TFDP2: variants seen among roughly 807,000 people sequenced by gnomAD.
TFDP2 encodes transcription factor Dp-2, also known as transcription factor Dp-2 (E2F dimerization partner 2).
Under a neutral mutation model 59.3 loss-of-function variants are expected in TFDP2, and 17 were observed. The ratio of observed to expected loss-of-function variants is 0.29; its 90% confidence interval spans 0.20 to 0.43. The LOEUF is 0.43. Among genes scored for constraint, TFDP2 ranks in the 20% least tolerant of loss-of-function variants. TFDP2 has a pLI of 1.00. For missense variants in TFDP2, 391 were observed against 528.8 expected (o/e 0.74, Z 2.56); for synonymous variants, 180 against 194.7 (o/e 0.92, Z 0.63).
chr3:142,081,346 G>A (rs945120156), intron 3 of TFDP2, among the ~76,000 whole-genome samples: 2 of 151,968 alleles, frequency 1.3e-5, no homozygotes, highest in East Asian at 1.9e-4. Flanking sequence ...GCACTAAGAG[G>A]GAAGTTGATG....
At chr3:142,079,149 A>G (rs1200714069) in intron 3 of TFDP2, among the ~76,000 whole-genome samples, 4 of 152,010 alleles carry the variant, frequency 2.6e-5, no homozygotes, top group Non-Finnish European at 4.4e-5. Context: ...CTAAAAATAC[A>G]AAAATTAGCT....
intron 4 of TFDP2, among the ~76,000 whole-genome samples, chr3:141,997,555 G>GA (rs149131829): frequency 1.5e-3 from 228 of 147,336 alleles, no homozygotes; most frequent in Middle Eastern, 3.4e-3. Context: ...GGACTTTGTA[G>GA]AAAAAAAAAA....
intron 3 of TFDP2, among the ~76,000 whole-genome samples, chr3:142,084,250 G>C (rs1011291016): frequency 1.3e-5 from 2 of 152,170 alleles, no homozygotes. Flanking sequence ...GATTATCAGA[G>C]AAATGCAAAT....
chr3:142,096,087 G>C (rs1464467745), intron 2 of TFDP2, among the ~76,000 whole-genome samples: 2 of 152,122 alleles, frequency 1.3e-5, no homozygotes, highest in Non-Finnish European at 2.9e-5. Flanking sequence ...AACGAATGTG[G>C]AAACTTTTTA....
intron 1 of TFDP2, among the ~76,000 whole-genome samples, chr3:142,137,018 G>T (rs562958659): frequency 3.3e-5 from 5 of 152,220 alleles, no homozygotes; most frequent in African/African-American, 7.2e-5. Flanking sequence ...TCCTATCCAT[G>T]AGCATAGAAT....
Position 142,121,502 on chromosome 3 carries a change from G to A in TFDP2, c.-92-19661C>T, listed in dbSNP as rs2062044763. On this transcript the variant is annotated intron_variant, in intron 1 of 12. Transcript: ENST00000489671. The surrounding 1 kb of genome is among the most constrained non-coding windows in gnomAD (Gnocchi z 4.3). The stretch of plus-strand genomic sequence containing the variant: ...TTAAAATTACAGAATTAAGAACTAT[G>A]AGATGAAAATGCCATCAAACTAGAA... Among the ~76,000 whole-genome samples the A allele has an allele frequency of 6.6e-6, 1 of 152,180 alleles. No homozygotes were observed. Among genetic ancestry groups the A allele is most frequent in the African/African-American group, 2.4e-5 (1 of 41,444 alleles).
At chr3:142,048,443 GA>G (rs1298433557) in intron 3 of TFDP2, among the ~76,000 whole-genome samples, 2 of 151,498 alleles carry the variant, frequency 1.3e-5, no homozygotes, top group East Asian at 1.9e-4. Flanking sequence ...CAAAAGAAGA[GA>G]AAAAAGATTA....
At chr3:142,100,334 G>A (rs888609737) in intron 2 of TFDP2, among the ~76,000 whole-genome samples, 6 of 152,134 alleles carry the variant, frequency 3.9e-5, no homozygotes, top group Non-Finnish European at 2.9e-5. Flanking sequence ...TAAGGAGTCT[G>A]AAACTAGAAA....
intron 1 of TFDP2, among the ~76,000 whole-genome samples, chr3:142,118,214 A>C (rs1050444887): frequency 6.6e-6 from 1 of 152,182 alleles, no homozygotes; most frequent in Non-Finnish European, 1.5e-5. Context: ...ATCACTACAA[A>C]TTCAGAAAAG....
At chr3:142,055,465 A>G (rs2059707733) in intron 3 of TFDP2, among the ~76,000 whole-genome samples, 1 of 152,216 alleles carries the variant, frequency 6.6e-6, no homozygotes. Context: ...TTTATCATTT[A>G]ATCCTCACAA....
intron 3 of TFDP2, among the ~76,000 whole-genome samples, chr3:142,043,429 T>A (rs1947126983): frequency 6.6e-6 from 1 of 151,414 alleles, no homozygotes. Context: ...AGTGGTGCGA[T>A]CTTGGCTCAC....
chr3:142,137,651 C>T (rs2062783816), intron 1 of TFDP2, among the ~76,000 whole-genome samples: 2 of 152,030 alleles, frequency 1.3e-5, no homozygotes, highest in Admixed American at 1.3e-4. Flanking sequence ...TGGTTTTTGT[C>T]GTTGGATCTG....
intron 4 of TFDP2, among the ~76,000 whole-genome samples, chr3:142,003,970 A>G (rs1944021253): frequency 6.6e-6 from 1 of 152,192 alleles, no homozygotes; most frequent in Non-Finnish European, 1.5e-5. Flanking sequence ...TAAGGGCAAG[A>G]CTCATAAAAA....
At chr3:142,103,701 TTTCTC>T (rs1417062967) in intron 1 of TFDP2, among the ~76,000 whole-genome samples, 3 of 152,142 alleles carry the variant, frequency 2.0e-5, no homozygotes, top group African/African-American at 7.2e-5. Context: ...TTTTGTAACT[TTTCTC>T]TTATTTTAAA....
intron 10 of TFDP2, among the ~76,000 whole-genome samples, chr3:141,960,969 C>T (rs562065352): frequency 6.6e-6 from 1 of 152,234 alleles, no homozygotes; most frequent in Admixed American, 6.5e-5. Flanking sequence ...CAAAGGAAGG[C>T]CAAGGAAAGG....
Position 141,952,591 on chromosome 3 carries a change from C to T in TFDP2, c.1263G>A (p.Glu421=). Residue 421 remains glutamate (E), a synonymous_variant, in exon 13 of 13, where the codon GAG becomes GAA. Coordinates refer to ENST00000489671, the MANE Select transcript of TFDP2 (RefSeq NM_001178139.2). The part of the protein sequence containing the change: ...QSSSAASHCS[E]SRGETPCSFN... ...ACGAACAGGGGGTCTCGCCTCGGGACTCGGAGCAGTGAGAGGCCGCACTGC... is the reference window on the plus strand; with the variant it reads ...ACGAACAGGGGGTCTCGCCTCGGGATTCGGAGCAGTGAGAGGCCGCACTGC... 6.3e-7 allele frequency: 1 copy of T among 1,575,544 alleles called. No individual in the cohort carries two copies. Among genetic ancestry groups the T allele is most frequent in the South Asian group, 1.2e-5 (1 of 83,406 alleles).
intron 3 of TFDP2, among the ~76,000 whole-genome samples, chr3:142,062,417 G>T: frequency 6.7e-6 from 1 of 149,390 alleles, no homozygotes; most frequent in African/African-American, 2.5e-5. Context: ...GTGTGTGTGT[G>T]TGTGTGTGTG....
rs1000821038 is a variant in TFDP2 at position 141,957,488 on chromosome 3, A to G, written c.1051+2186T>C. On this transcript the variant is annotated intron_variant, in intron 11 of 12. Transcript: ENST00000489671. The stretch of plus-strand genomic sequence containing the variant: ...GGTATATGTTTTTAGAGATAAAAAC[A>G]TATGTTTACACATAAACTTTTATAA... Among the ~76,000 whole-genome samples the G allele has an allele frequency of 3.3e-5, 5 of 152,230 alleles. No homozygotes were observed. The East Asian group carries it at 9.6e-4, about 29-fold the overall frequency.
At chr3:142,060,122 T>C (rs2059869500) in intron 3 of TFDP2, among the ~76,000 whole-genome samples, 1 of 152,206 alleles carries the variant, frequency 6.6e-6, no homozygotes, top group South Asian at 2.1e-4. Flanking sequence ...TGTATACTTA[T>C]TTTCCAGTCA....
Sources: allele counts gnomAD v4.1 joint callset (sites outside exome capture counted in the v4.1 genomes callset), GRCh38; gene constraint gnomAD v4.1.1; non-coding constraint Gnocchi (gnomAD v3.1); transcripts MANE v1.5; gene names NCBI Gene and HGNC (gene_info 2026-07-23, HGNC 2026-07-21).